The following GLB1L2 variants were observed in gnomAD, a reference collection of about 807,000 sequenced individuals.
The protein encoded by GLB1L2 is beta-galactosidase-1-like protein 2.
In GLB1L2, 68 loss-of-function variants were observed where a neutral mutation model predicts 84.1. The ratio of observed to expected loss-of-function variants is 0.81; its 90% CI spans 0.67 to 0.99. GLB1L2 has a LOEUF of 0.99. Ranked by LOEUF, GLB1L2 falls within the 50% of genes least tolerant of loss-of-function variation. The probability of loss-of-function intolerance (pLI) is 0.00; values close to 1 mark genes in which losing one functional copy is unlikely to be tolerated. For synonymous variants in GLB1L2, 290 were observed against 318.0 expected, an observed-to-expected ratio of 0.91 and a Z score of 0.94; for missense variants, 762 against 805.6, an observed-to-expected ratio of 0.95 and a Z score of 0.66.
Position 134,375,390 on chromosome 11 carries a change from T to C in GLB1L2, c.*332T>C, listed in dbSNP as rs9783402. The stretch of plus-strand genomic sequence containing the variant: ...AAAGTGCTGAAACGTGCCCTTGCAC[T>C]GGACGTCACAGCCCTGCGAGCATCT... On this transcript the variant is annotated 3_prime_UTR_variant, in exon 19 of 19. Transcript: ENST00000535456. 198,060 of 269,934 alleles carry C rather than the reference T, an allele frequency of 0.73. 73,570 individuals are homozygous for C. Among genetic ancestry groups the C allele is most frequent in the East Asian group, 0.93 (10,074 of 10,788 alleles). 16.7% of individuals were successfully genotyped at this position (269,934 alleles called of 1,614,324 possible).
In GLB1L2 at chr11:134,373,701, G is replaced by A. The variant is rs373076407; in HGVS notation, c.1508-20G>A. The A allele has an allele frequency of 2.5e-6, 4 of 1,569,460 alleles. No homozygotes were observed. In the African/African-American group the frequency reaches 5.4e-5, roughly 21 times the overall value. ...GCCCCTGCCTTTGGGCTACCCACGTGTCCTGCCTCCCTCCCACAGGCTTAA... is the reference window on the plus strand; with the variant it reads ...GCCCCTGCCTTTGGGCTACCCACGTATCCTGCCTCCCTCCCACAGGCTTAA... On this transcript the variant is annotated intron_variant, in intron 15 of 18. Transcript: ENST00000535456.
At position 134,367,299 on chromosome 11, in the gene GLB1L2, T is replaced by C. The variant is rs374837790; in HGVS notation, c.847T>C (p.Phe283Leu). ...GGTGATGGAGTACTGGACGGGGTGG[T>C]TTGACTCGTGGGGAGGCCCTCACAA... Reference protein sequence around the residue: ...KMVMEYWTGWFDSWGGPHNIL... With the variant: ...KMVMEYWTGWLDSWGGPHNIL... The change falls in exon 9 of 19, where the codon TTT becomes CTT. Residue 283 changes from phenylalanine (F) to leucine (L), a missense_variant. This residue lies in a region of GLB1L2 where 603 missense variants were observed against 611.7 expected (regional missense o/e 0.99). Coordinates refer to ENST00000535456, the MANE Select transcript of GLB1L2 (RefSeq NM_001370461.1). 1.2e-5 allele frequency: 20 copies of C among 1,613,978 alleles called. No individual in the cohort carries two copies. The African/African-American group carries it at 2.7e-4, about 22-fold the overall frequency.
rs1943356346 is a variant in GLB1L2, at chr11:134,334,804, T to A, written c.86+2657T>A. Among the ~76,000 whole-genome samples, 1 of 152,190 alleles carries A rather than the reference T, an allele frequency of 6.6e-6. No homozygotes were observed. Among genetic ancestry groups the A allele is most frequent in the Non-Finnish European group, 1.5e-5 (1 of 68,038 alleles). ...GGCTTCTTTCACTCAGAGTATTATT[T>A]TGAGGTCTGCGATGCACGTATCAGT... is the stretch of plus-strand genomic sequence containing the variant. On this transcript the variant is annotated intron_variant, in intron 1 of 18. Coordinates refer to ENST00000535456, the MANE Select transcript of GLB1L2 (RefSeq NM_001370461.1). The surrounding 1 kb of genome is among the most constrained non-coding windows in gnomAD (Gnocchi z 4.1).
intron 9 of GLB1L2, among the ~76,000 whole-genome samples, chr11:134,368,130 C>T (rs1179406636): frequency 6.6e-6 from 1 of 152,236 alleles, no homozygotes. Context: ...TTTGTCTACT[C>T]AGTACATCAT....
chr11:134,355,864 T>C (rs945170345), intron 5 of GLB1L2, among the ~76,000 whole-genome samples: 12 of 152,180 alleles, frequency 7.9e-5, no homozygotes, highest in African/African-American at 2.7e-4. Flanking sequence ...AGTTAGAACA[T>C]TGTAAACAAG....
At chr11:134,371,353 G>C in intron 13 of GLB1L2, 68 bp from the exon 14 acceptor site, 1 of 1,198,966 alleles carries the variant, frequency 8.3e-7, no homozygotes, top group South Asian at 1.2e-5. Context: ...GCCCTTCTTG[G>C]CCTGGAGGAG....
chr11:134,364,282 C>T (rs1197186372), intron 7 of GLB1L2, 46 bp from the exon 8 acceptor site: 1 of 1,522,354 alleles, frequency 6.6e-7, no homozygotes, highest in East Asian at 2.2e-5. Context: ...AGGTCCCTGG[C>T]TTTGAGACAG....
rs886690945 is a variant in GLB1L2, at chr11:134,334,207, C to T, written c.86+2060C>T. On this transcript the variant is annotated intron_variant, in intron 1 of 18. Coordinates refer to ENST00000535456, the MANE Select transcript of GLB1L2 (RefSeq NM_001370461.1). The surrounding 1 kb of genome is among the most constrained non-coding windows in gnomAD (Gnocchi z 4.1). ...GAGGTGGCCAGTGGAATATAGGTCA[C>T]GTGGAAACTGGCCACCAAGTTCACT... 3.3e-5 allele frequency among the ~76,000 whole-genome samples: 5 copies of T among 152,160 alleles called. No individual in the cohort carries two copies. The highest frequency in any genetic ancestry group is 6.5e-5 in the Admixed American group (1 of 15,282).
chr11:134,374,468 C>A, intron 17 of GLB1L2, 134 bp from the exon 18 acceptor site: 1 of 791,258 alleles, frequency 1.3e-6, no homozygotes, highest in Non-Finnish European at 2.2e-6. Context: ...GAGCATCCCA[C>A]CTGCCCACCC....
chr11:134,342,452 C>A (rs1943479614), intron 1 of GLB1L2, among the ~76,000 whole-genome samples: 1 of 151,988 alleles, frequency 6.6e-6, no homozygotes, highest in South Asian at 2.1e-4. Context: ...CCCGCCCCGG[C>A]CCCAGCAGCA....
chr11:134,336,102 G>C (rs538620771), intron 1 of GLB1L2, among the ~76,000 whole-genome samples: 25 of 152,308 alleles, frequency 1.6e-4, no homozygotes, highest in African/African-American at 5.1e-4. Flanking sequence ...CTGCTAACGA[G>C]GTAGATATTT....
At chr11:134,345,730 A>C (rs916452372) in intron 4 of GLB1L2, among the ~76,000 whole-genome samples, 1 of 152,086 alleles carries the variant, frequency 6.6e-6, no homozygotes, top group African/African-American at 2.4e-5. Flanking sequence ...CGGCCTCCCA[A>C]AGTGCTGGGA....
intron 1 of GLB1L2, among the ~76,000 whole-genome samples, chr11:134,341,533 CTCT>C (rs1943462689): frequency 6.6e-6 from 1 of 152,194 alleles, no homozygotes; most frequent in Non-Finnish European, 1.5e-5. Flanking sequence ...TGGAAGTTTT[CTCT>C]TTAGAAAAAG....
At chr11:134,346,007 A>T (rs1943548318) in intron 4 of GLB1L2, among the ~76,000 whole-genome samples, 1 of 151,624 alleles carries the variant, frequency 6.6e-6, no homozygotes, top group South Asian at 2.1e-4. Context: ...GGCCTTTAAG[A>T]TTTTCTTGTT....
intron 5 of GLB1L2, among the ~76,000 whole-genome samples, chr11:134,355,688 T>C (rs1379804589): frequency 6.6e-6 from 1 of 152,180 alleles, no homozygotes; most frequent in Non-Finnish European, 1.5e-5. Flanking sequence ...GTAATTCTTT[T>C]CCCCCAGGCA....
At chr11:134,345,237 G>C in intron 4 of GLB1L2, 108 bp downstream of exon 4, 1 of 1,208,888 alleles carries the variant, frequency 8.3e-7, no homozygotes. Context: ...TTGTGTTCCA[G>C]TTCCCATTCT....
At chr11:134,350,010 T>C (rs1361013820) in intron 5 of GLB1L2, among the ~76,000 whole-genome samples, 3 of 152,210 alleles carry the variant, frequency 2.0e-5, no homozygotes, top group African/African-American at 7.2e-5. Flanking sequence ...AAGTCCTCTT[T>C]ACTCTTTGCT....
chr11:134,357,395 G>A (rs1395835564), intron 6 of GLB1L2, among the ~76,000 whole-genome samples: 4 of 152,238 alleles, frequency 2.6e-5, no homozygotes, highest in Non-Finnish European at 5.9e-5. Flanking sequence ...TCCAGGAAGG[G>A]TGGCATTCCT....
At position 134,342,833 on chromosome 11, in the gene GLB1L2, C is replaced by T. The variant is rs1377481418; in HGVS notation, c.166C>T (p.Leu56=). The T allele has an allele frequency of 6.2e-7, 1 of 1,614,048 alleles. No individual in the cohort carries two copies. Among genetic ancestry groups the T allele is most frequent in the East Asian group, 2.2e-5 (1 of 44,872 alleles). The part of the protein sequence containing the change: ...GLQAKGWNFM[L]EDSTFWIFGG... Reference sequence around the variant, plus strand: ...GCAGGCCAAGGGCTGGAACTTCATGCTGGAGGATTCCACCTTCTGGATCTT... The same window carrying T: ...GCAGGCCAAGGGCTGGAACTTCATGTTGGAGGATTCCACCTTCTGGATCTT... Residue 56 remains leucine, a synonymous_variant, in exon 2 of 19, where the codon CTG becomes TTG. Coordinates refer to ENST00000535456, the MANE Select transcript of GLB1L2 (RefSeq NM_001370461.1).
Sources: gnomAD v4.1 joint callset for allele counts (sites outside exome capture counted in the v4.1 genomes callset) on GRCh38, gnomAD v4.1.1 for gene constraint, gnomAD v4.1.1 regional missense constraint, Gnocchi (gnomAD v3.1) non-coding constraint, MANE v1.5 for transcripts, NCBI Gene and HGNC (gene_info 2026-07-23, HGNC 2026-07-21) for gene names.